The following ZW10 variants were observed in gnomAD, a reference collection of about 807,000 sequenced individuals.
The protein encoded by ZW10 is centromere/kinetochore protein zw10 homolog.
ZW10 carries 53 observed loss-of-function variants against 87.8 expected under a neutral mutation model. The ratio of observed to expected loss-of-function variants is 0.60; its 90% confidence interval spans 0.48 to 0.76. The LOEUF (loss-of-function observed/expected upper bound fraction) is 0.76. Among genes scored for constraint, ZW10 ranks in the 30% least tolerant of loss-of-function variants. The pLI is 0.00. For missense variants in ZW10, 837 were observed against 923.0 expected, an observed-to-expected ratio of 0.91 and a Z score of 1.21; for synonymous variants, 312 against 329.2, an observed-to-expected ratio of 0.95 and a Z score of 0.57.
chr11:113,757,679 A>G lies in ZW10; in HGVS notation c.908T>C (p.Leu303Pro). The change falls in exon 7 of 16, where the codon CTC becomes CCC. Residue 303 changes from leucine to proline, a missense_variant. Physicochemically the swap from Leu to Pro is moderately conservative, Grantham distance 98. Coordinates refer to ENST00000200135, the MANE Select transcript of ZW10 (RefSeq NM_004724.4). ...ACACATACCTAGAAGCTGTTTCTGG[A>G]GCACTTCTAGTACCAGTCTGATCTT... ...FTKIRLVLEV[L>P]QKQLLDLPLD... 6.4e-7 allele frequency: 1 copy of G among 1,552,972 alleles called. No individual in the cohort carries two copies. The highest frequency in any genetic ancestry group is 8.7e-7 in the Non-Finnish European group (1 of 1,142,974).
intron 2 of ZW10, among the ~76,000 whole-genome samples, chr11:113,764,916 T>C (rs1179532943): frequency 6.6e-6 from 1 of 152,218 alleles, no homozygotes; most frequent in Non-Finnish European, 1.5e-5. Context: ...CCGTATATAT[T>C]GATACTCCTT....
rs1181691312 is a variant in ZW10, at chr11:113,736,564, A to G, written c.2219+56T>C. The G allele has an allele frequency of 1.9e-6, 3 of 1,571,108 alleles. No individual in the cohort carries two copies. In the Admixed American group the frequency reaches 5.0e-5, roughly 26 times the overall value. On this transcript the variant is annotated intron_variant, in intron 15 of 15. Coordinates refer to ENST00000200135, the MANE Select transcript of ZW10 (RefSeq NM_004724.4). The stretch of plus-strand genomic sequence containing the variant: ...GAAAAGCCCTGCTATCAAGGGCACT[A>G]TTACTCTCTTGTAGCTATGGAGAGT...
chr11:113,733,613 T>C lies in ZW10; in HGVS notation c.*81A>G, dbSNP rs1424595837. 1.3e-6 allele frequency: 2 copies of C among 1,594,284 alleles called. No individual in the cohort carries two copies. The highest frequency in any genetic ancestry group is 1.3e-5 in the African/African-American group (1 of 74,242). ...CTGGTTCACCAAAACCAATGGGCGATTCAAAGAAGTCTTTAAGGGAGTAAT... is the reference window on the plus strand; with the variant it reads ...CTGGTTCACCAAAACCAATGGGCGACTCAAAGAAGTCTTTAAGGGAGTAAT... On this transcript the variant is annotated 3_prime_UTR_variant, in exon 16 of 16. Transcript: ENST00000200135.
Position 113,744,105 on chromosome 11 carries a change from C to A in ZW10, c.1273-65G>T, listed in dbSNP as rs1487745497. 3.6e-6 allele frequency: 5 copies of A among 1,379,902 alleles called. No homozygotes were observed. In the African/African-American group the frequency reaches 4.3e-5, roughly 12 times the overall value. The allele number at this position is 1,379,902 out of a possible 1,614,324, so 85.5% of individuals were successfully genotyped here. ...TCAGAATAATTCAAATATAAGCACA[C>A]GGCCGGGCATGGCGGCTCACGCCTG... On this transcript the variant is annotated intron_variant, in intron 9 of 15. Transcript: ENST00000200135.
intron 7 of ZW10, among the ~76,000 whole-genome samples, chr11:113,748,687 T>G (rs1953706190): frequency 6.6e-6 from 1 of 152,234 alleles, no homozygotes; most frequent in Non-Finnish European, 1.5e-5. Flanking sequence ...AATCATCTAG[T>G]GCTAGCTGCT....
rs1204538427 is a variant in ZW10, at chr11:113,760,852, A to T, written c.307T>A (p.Ser103Thr). 1 of 1,614,106 alleles carries T rather than the reference A, an allele frequency of 6.2e-7. No individual in the cohort carries two copies. Among genetic ancestry groups the T allele is most frequent in the Non-Finnish European group, 8.5e-7 (1 of 1,180,004 alleles). ...TDLKQQLERDSVVLSLLKQLQ... is the reference protein window; with the variant it reads ...TDLKQQLERDTVVLSLLKQLQ... Reference sequence around the variant, plus strand: ...TGTTTAAGCAAACTTAGGACAACTGAGTCTCTTTCCAACTGCTGCTTTAAG... The same window carrying T: ...TGTTTAAGCAAACTTAGGACAACTGTGTCTCTTTCCAACTGCTGCTTTAAG... The change falls in exon 3 of 16, where the codon TCA becomes ACA. Residue 103 changes from serine to threonine, a missense_variant. Physicochemically the swap from Ser to Thr is moderately conservative, Grantham distance 58. Coordinates refer to ENST00000200135, the MANE Select transcript of ZW10 (RefSeq NM_004724.4).
intron 1 of ZW10, 25 bp downstream of exon 1, chr11:113,773,537 C>A (rs1937667083): frequency 6.2e-7 from 1 of 1,602,526 alleles, no homozygotes; most frequent in Non-Finnish European, 8.5e-7. Flanking sequence ...CCCTTCCAGT[C>A]AGCAGACAGC....
At chr11:113,745,503 T>G (rs1032826310) in intron 9 of ZW10, among the ~76,000 whole-genome samples, 29 of 152,206 alleles carry the variant, frequency 1.9e-4, no homozygotes, top group African/African-American at 6.8e-4. Context: ...AGAGCTGTTA[T>G]GAAGTTTAAA....
At chr11:113,747,431 A>G in intron 9 of ZW10, 100 bp downstream of exon 9, 1 of 1,126,020 alleles carries the variant, frequency 8.9e-7, no homozygotes, top group Admixed American at 2.3e-5. Context: ...GACTCAGCTC[A>G]ACAACCGTCA....
Position 113,768,976 on chromosome 11 carries a change from T to C in ZW10, c.106-9A>G, listed in dbSNP as rs182395248. On this transcript the variant is annotated splice_polypyrimidine_tract_variant and intron_variant, in intron 1 of 15. Coordinates refer to ENST00000200135, the MANE Select transcript of ZW10 (RefSeq NM_004724.4). ...ATATTGCACACCTCACCCTAAAATA[T>C]AAAACAGAATTATATTAAAAGACAG... is the stretch of plus-strand genomic sequence containing the variant. 96 of 1,612,542 alleles carry C rather than the reference T, an allele frequency of 6.0e-5. 1 individual carries two copies. The African/African-American group carries it at 1.2e-3, about 20-fold the overall frequency.
rs1478093487 is a variant in ZW10, at chr11:113,758,626, T to G, written c.661A>C (p.Met221Leu). 7.4e-6 allele frequency: 12 copies of G among 1,614,030 alleles called. No individual in the cohort carries two copies. The highest frequency in any genetic ancestry group is 1.0e-5 in the Non-Finnish European group (12 of 1,179,964). Residue 221 changes from methionine (M) to leucine (L), a missense_variant, in exon 6 of 16, where the codon ATG (methionine) becomes CTG (leucine). Transcript: ENST00000200135. ...AAGAGGACAGAACTGATGGGTGGCA[T>G]AGGGGTCTTCTCCTCTTTGTGCGAT... ...EQSHKEEKTP[M>L]PPISSVLLAF...
At position 113,757,759 on chromosome 11, in the gene ZW10, A is replaced by G. The variant is rs1953806831; in HGVS notation, c.828T>C (p.Arg276=). 6.2e-7 allele frequency: 1 copy of G among 1,613,906 alleles called. No homozygotes were observed. Among genetic ancestry groups the G allele is most frequent in the East Asian group, 2.2e-5 (1 of 44,870 alleles). ...IESQPNIVII[R]FESIMTNLEY... The stretch of plus-strand genomic sequence containing the variant: ...CCAAGTTAGTCATTATAGATTCAAA[A>G]CGAATAATAACTATGTTAGGCTGGC... Residue 276 remains arginine, a synonymous_variant, in exon 7 of 16, where the codon CGT becomes CGC. Transcript: ENST00000200135.
intron 14 of ZW10, 127 bp downstream of exon 14, chr11:113,737,445 A>C: frequency 9.2e-7 from 1 of 1,090,916 alleles, no homozygotes; most frequent in Non-Finnish European, 1.3e-6. Flanking sequence ...CAAAACTGAA[A>C]AAAAAAAAAA....
At chr11:113,762,472 C>A (rs1953871748) in intron 2 of ZW10, among the ~76,000 whole-genome samples, 1 of 152,024 alleles carries the variant, frequency 6.6e-6, no homozygotes, top group South Asian at 2.1e-4. Context: ...TTTCTTTCTT[C>A]ATAATAAATT....
At chr11:113,758,280 C>T (rs894047739) in intron 6 of ZW10, among the ~76,000 whole-genome samples, 5 of 150,504 alleles carry the variant, frequency 3.3e-5, no homozygotes, top group Admixed American at 1.3e-4. Context: ...AACCATTATG[C>T]GGTGCAGGTT....
intron 1 of ZW10, chr11:113,771,201 C>A (rs1398467342): frequency 1.3e-5 from 2 of 152,110 alleles, no homozygotes; most frequent in African/African-American, 4.8e-5. Context: ...ATCTGGAGCT[C>A]CTGACCTCAG....
intron 3 of ZW10, 101 bp from the exon 4 acceptor site, chr11:113,760,691 T>TAAAAAAAAAAAAAAAAAAAAA: frequency 1.3e-6 from 1 of 747,974 alleles, no homozygotes; most frequent in Non-Finnish European, 1.9e-6. Flanking sequence ...CTCCCCCCTC[T>TAAAAAAAAAAAAAAAAAAAAA]AAAAAAAAAA....
chr11:113,768,672 T>TA (rs1221761291), intron 2 of ZW10, among the ~76,000 whole-genome samples, 161 bp downstream of exon 2: 2 of 152,212 alleles, frequency 1.3e-5, no homozygotes, highest in African/African-American at 4.8e-5. Flanking sequence ...GAAATACTTC[T>TA]ATTTCAGAAT....
At chr11:113,760,402 C>T in intron 4 of ZW10, 34 bp from the exon 5 acceptor site, 1 of 1,610,610 alleles carries the variant, frequency 6.2e-7, no homozygotes, top group Admixed American at 1.7e-5. Context: ...TTAAACATTC[C>T]ATCTGGACTC....
Sources: allele counts gnomAD v4.1 joint callset (sites outside exome capture counted in the v4.1 genomes callset), GRCh38; gene constraint gnomAD v4.1.1; transcripts MANE v1.5; gene names NCBI Gene and HGNC (gene_info 2026-07-23, HGNC 2026-07-21).